Variants in PCDH11X observed in about 807,000 individuals in gnomAD.
The protein encoded by PCDH11X is protocadherin 11 X-linked.
A neutral mutation model predicts 53.3 loss-of-function variants in PCDH11X; 18 were observed. The observed-to-expected ratio is 0.34, with a 90% CI of 0.23 to 0.50. The LOEUF (loss-of-function observed/expected upper bound fraction) is 0.50, where lower values mean the gene tolerates loss of function less well. Among genes scored for constraint, PCDH11X ranks in the 20% least tolerant of loss-of-function variants. The probability of loss-of-function intolerance (pLI) is 0.98; values close to 1 mark genes in which losing one functional copy is unlikely to be tolerated. For missense variants in PCDH11X, 570 were observed against 1,032.4 expected, an observed-to-expected ratio of 0.55 and a Z score of 6.14; for synonymous variants, 279 against 393.3, an observed-to-expected ratio of 0.71 and a Z score of 3.44.
intron 6 of PCDH11X, among the ~76,000 whole-genome samples, chrX:92,043,781 A>G (rs2063243801): frequency 9.0e-6 from 1 of 110,904 alleles, no homozygotes; most frequent in Non-Finnish European, 1.9e-5. Flanking sequence ...GCCTTTAAAT[A>G]GCTTGAATTT....
intron 7 of PCDH11X, among the ~76,000 whole-genome samples, chrX:92,258,264 T>C (rs745885620): frequency 9.0e-6 from 1 of 111,511 alleles, no homozygotes; most frequent in Non-Finnish European, 1.9e-5. Context: ...CCTCTGGGCC[T>C]GTAATGGGGG....
intron 8 of PCDH11X, among the ~76,000 whole-genome samples, chrX:92,363,138 C>T (rs1291594387): frequency 3.6e-5 from 4 of 111,056 alleles, no homozygotes; most frequent in Non-Finnish European, 7.6e-5. Context: ...TATTGCAGGT[C>T]TCTTGAAATT....
chrX:92,250,078 T>C (rs1176927589), intron 7 of PCDH11X, among the ~76,000 whole-genome samples: 1 of 111,775 alleles, frequency 8.9e-6, no homozygotes, highest in East Asian at 2.8e-4. Context: ...AAATGATGGG[T>C]AAATTCATAT....
In PCDH11X at chrX:91,915,419, A is replaced by G. The variant is rs894514996; in HGVS notation, c.3033+36146A>G. 9.9e-5 allele frequency among the ~76,000 whole-genome samples: 11 copies of G among 110,753 alleles called. No homozygotes were observed. The East Asian group carries it at 1.1e-3, about 12-fold the overall frequency. ...TGGCAGAATGGATAAAAATCCACCAACCAAGTTGCTGCTGTCTTCAAGAGA... is the reference window on the plus strand; with the variant it reads ...TGGCAGAATGGATAAAAATCCACCAGCCAAGTTGCTGCTGTCTTCAAGAGA... On this transcript the variant is annotated intron_variant, in intron 6 of 10. Transcript: ENST00000682573.
chrX:92,062,919 C>T (rs1222562210), intron 6 of PCDH11X, among the ~76,000 whole-genome samples: 1 of 111,249 alleles, frequency 9.0e-6, no homozygotes, highest in African/African-American at 3.3e-5. Context: ...CAGCACTGTT[C>T]ACAATAGCAA....
chrX:92,334,727 C>G (rs912127554), intron 8 of PCDH11X, among the ~76,000 whole-genome samples: 13 of 111,663 alleles, frequency 1.2e-4, no homozygotes, highest in Middle Eastern at 4.2e-3. Context: ...ATCTTGTAAA[C>G]AGACAAGATA....
intron 9 of PCDH11X, chrX:92,460,906 G>A (rs1311237760): frequency 5.0e-5 from 53 of 1,070,362 alleles, no homozygotes; most frequent in Non-Finnish European, 6.3e-5. Context: ...AAAGTGGATG[G>A]CAAAGTGGTG....
chrX:92,218,749 A>G (rs1312404059), intron 7 of PCDH11X, among the ~76,000 whole-genome samples: 9 of 111,769 alleles, frequency 8.1e-5, no homozygotes, highest in African/African-American at 2.3e-4. Context: ...AACCAAAAAA[A>G]AGAATTTTAG....
chrX:92,145,102 C>A (rs1377671911), intron 6 of PCDH11X, among the ~76,000 whole-genome samples: 2 of 111,107 alleles, frequency 1.8e-5, no homozygotes, highest in Non-Finnish European at 3.8e-5. Flanking sequence ...ATGAACATAA[C>A]CTGTAGACAG....
chrX:92,110,505 G>A (rs2064479100), intron 6 of PCDH11X, among the ~76,000 whole-genome samples: 1 of 108,010 alleles, frequency 9.3e-6, no homozygotes, highest in African/African-American at 3.5e-5. Context: ...AGGGGAAAGG[G>A]TGGGATATTG....
chrX:92,305,537 C>T (rs2755304), intron 8 of PCDH11X, among the ~76,000 whole-genome samples: 3 of 110,877 alleles, frequency 2.7e-5, no homozygotes, highest in Non-Finnish European at 5.7e-5. Flanking sequence ...TAGGACCCCA[C>T]CTTTATGATT....
At chrX:92,055,139 G>C (rs927094006) in intron 6 of PCDH11X, among the ~76,000 whole-genome samples, 1 of 40,454 alleles carries the variant, frequency 2.5e-5, no homozygotes, top group African/African-American at 9.9e-5. Context: ...TAGACATGAA[G>C]AGCAAGTAGG....
chrX:91,829,440 A>C (rs1295734744), intron 4 of PCDH11X, among the ~76,000 whole-genome samples: 2 of 69,864 alleles, frequency 2.9e-5, no homozygotes, highest in Admixed American at 2.5e-4. Flanking sequence ...ACACACACAC[A>C]CACCCACAAT....
chrX:91,981,002 AAT>A (rs1247003635), intron 6 of PCDH11X, among the ~76,000 whole-genome samples: 7 of 98,276 alleles, frequency 7.1e-5, no homozygotes, highest in South Asian at 4.5e-4. Flanking sequence ...ATATACACTG[AAT>A]ATATATATAT....
intron 6 of PCDH11X, among the ~76,000 whole-genome samples, chrX:92,157,536 C>T (rs753577496): frequency 9.0e-6 from 1 of 111,533 alleles, no homozygotes; most frequent in Non-Finnish European, 1.9e-5. Flanking sequence ...TGGTGAGTCA[C>T]TATAAGAAAA....
intron 9 of PCDH11X, among the ~76,000 whole-genome samples, chrX:92,425,237 C>G (rs1236512221): frequency 1.8e-5 from 2 of 110,340 alleles, no homozygotes; most frequent in Admixed American, 1.9e-4. Context: ...TGGACTGGAG[C>G]AAAAAGAAGG....
At chrX:92,086,226 C>T (rs1174253426) in intron 6 of PCDH11X, among the ~76,000 whole-genome samples, 1 of 110,037 alleles carries the variant, frequency 9.1e-6, no homozygotes, top group East Asian at 2.8e-4. Flanking sequence ...TTTCTTGTTT[C>T]TTATGGTATA....
intron 6 of PCDH11X, among the ~76,000 whole-genome samples, chrX:91,967,732 T>G (rs2061888894): frequency 8.9e-6 from 1 of 112,207 alleles, no homozygotes; most frequent in African/African-American, 3.2e-5. Context: ...AGTACAATTT[T>G]TAAATTTAAG....
intron 8 of PCDH11X, among the ~76,000 whole-genome samples, chrX:92,343,430 G>A (rs1373709619): frequency 9.0e-6 from 1 of 110,530 alleles, no homozygotes; most frequent in Non-Finnish European, 1.9e-5. Context: ...AGTAAAGAGT[G>A]GGGAAAAAAG....
Sources: gnomAD v4.1 joint callset for allele counts (sites outside exome capture counted in the v4.1 genomes callset) on GRCh38, gnomAD v4.1.1 for gene constraint, MANE v1.5 for transcripts, NCBI Gene and HGNC (gene_info 2026-07-23, HGNC 2026-07-21) for gene names.